OTUD7A: variants seen among roughly 807,000 people sequenced by gnomAD.
OTUD7A encodes OTU deubiquitinase 7A.
Under a neutral mutation model 65.7 loss-of-function variants are expected in OTUD7A, and 12 were observed. The observed-to-expected ratio is 0.18, with a 90% CI of 0.12 to 0.30. The LOEUF (loss-of-function observed/expected upper bound fraction) is 0.30. Ranked by LOEUF, OTUD7A falls within the 10% of genes least tolerant of loss-of-function variation. OTUD7A has a pLI of 1.00. For missense variants in OTUD7A, 1,148 were observed against 1,304.8 expected (o/e 0.88, Z 1.85); for synonymous variants, 641 against 586.3 (o/e 1.09, Z -1.35).
At chr15:31,820,138 A>G (rs1896643623) in intron 1 of OTUD7A, among the ~76,000 whole-genome samples, 1 of 152,238 alleles carries the variant, frequency 6.6e-6, no homozygotes, top group African/African-American at 2.4e-5. Context: ...AACAATGGAA[A>G]GCTAATAATA....
chr15:31,526,606 C>T (rs935832179), intron 7 of OTUD7A, 145 bp from the exon 8 acceptor site: 20 of 587,820 alleles, frequency 3.4e-5, no homozygotes, highest in Admixed American at 6.7e-5. Flanking sequence ...ACTGCACCCT[C>T]TTGGCCACCT....
intron 3 of OTUD7A, among the ~76,000 whole-genome samples, chr15:31,630,566 G>A (rs1259178926): frequency 1.3e-5 from 2 of 152,168 alleles, no homozygotes; most frequent in Non-Finnish European, 2.9e-5. Flanking sequence ...ATATTCTGTT[G>A]ATTTGGGGTG....
chr15:31,809,123 T>C (rs527844552), intron 1 of OTUD7A, among the ~76,000 whole-genome samples: 1 of 152,296 alleles, frequency 6.6e-6, no homozygotes, highest in East Asian at 1.9e-4. Context: ...CCATTCTGAC[T>C]AGAGAGATAC....
chr15:31,760,598 G>T (rs1369267495), intron 1 of OTUD7A, among the ~76,000 whole-genome samples: 1 of 152,174 alleles, frequency 6.6e-6, no homozygotes, highest in Non-Finnish European at 1.5e-5. Context: ...TCATGGGCCA[G>T]AAAATGCAAT....
chr15:31,553,375 G>A (rs1246392483), intron 5 of OTUD7A, among the ~76,000 whole-genome samples: 3 of 152,058 alleles, frequency 2.0e-5, no homozygotes, highest in African/African-American at 7.2e-5. Flanking sequence ...CCACTGCATG[G>A]AGCCAGGTTG....
intron 6 of OTUD7A, among the ~76,000 whole-genome samples, chr15:31,527,846 T>C (rs567952419): frequency 9.8e-5 from 15 of 152,342 alleles, no homozygotes; most frequent in Admixed American, 3.3e-4. Context: ...GCCTGCTTCC[T>C]AGTGAGAGGG....
rs144331874 is a variant in OTUD7A at position 31,869,211 on chromosome 15, G to A, written c.-100+1296C>T. On this transcript the variant is annotated intron_variant, in intron 1 of 12. Coordinates refer to ENST00000307050, the MANE Select transcript of OTUD7A (RefSeq NM_001382637.1). ...ATGTTTATCCAGAACTGAGTGTGCC[G>A]TGCAGATCTACCTCTGTTCTCGTGA... 2.4e-3 allele frequency among the ~76,000 whole-genome samples: 369 copies of A among 152,226 alleles called. 1 individual carries two copies. The highest frequency in any genetic ancestry group is 4.3e-3 in the Admixed American group (65 of 15,288).
chr15:31,597,203 T>C (rs1889931095), intron 3 of OTUD7A, among the ~76,000 whole-genome samples: 1 of 152,190 alleles, frequency 6.6e-6, no homozygotes, highest in Non-Finnish European at 1.5e-5. Context: ...GCTGGGATTA[T>C]AGGTGTGAGC....
chr15:31,819,164 T>C (rs1362828715), intron 1 of OTUD7A, among the ~76,000 whole-genome samples: 1 of 152,232 alleles, frequency 6.6e-6, no homozygotes, highest in African/African-American at 2.4e-5. Flanking sequence ...AAACCACATT[T>C]TAAAAGCAAG....
At chr15:31,534,264 C>G (rs938521782) in intron 5 of OTUD7A, among the ~76,000 whole-genome samples, 3 of 152,174 alleles carry the variant, frequency 2.0e-5, no homozygotes, top group African/African-American at 4.8e-5. Flanking sequence ...ATTTGAAAAT[C>G]AATCAATATA....
chr15:31,764,227 T>C (rs1321236064), intron 1 of OTUD7A, among the ~76,000 whole-genome samples: 6 of 152,192 alleles, frequency 3.9e-5, no homozygotes, highest in Non-Finnish European at 5.9e-5. Context: ...AGTTTTAGTA[T>C]ACAAATGCCT....
At chr15:31,648,165 C>A (rs567359168) in intron 3 of OTUD7A, among the ~76,000 whole-genome samples, 23 of 152,250 alleles carry the variant, frequency 1.5e-4, no homozygotes, top group Admixed American at 1.2e-3. Flanking sequence ...GGAGCAGAGA[C>A]CCCTCTTAGG....
chr15:31,486,711 G>A (rs535964919), intron 12 of OTUD7A, among the ~76,000 whole-genome samples: 1 of 152,376 alleles, frequency 6.6e-6, no homozygotes, highest in South Asian at 2.1e-4. Flanking sequence ...GAGGAAGGGG[G>A]CGCCGAGGAA....
intron 5 of OTUD7A, among the ~76,000 whole-genome samples, chr15:31,554,698 C>G (rs556516331): frequency 2.6e-4 from 39 of 152,310 alleles, no homozygotes; most frequent in African/African-American, 8.9e-4. Context: ...ACCACACCAT[C>G]TCACCCACAT....
intron 3 of OTUD7A, among the ~76,000 whole-genome samples, chr15:31,651,606 C>A (rs1241947665): frequency 1.5e-5 from 2 of 129,316 alleles, no homozygotes; most frequent in Non-Finnish European, 3.4e-5. Flanking sequence ...CACACACACA[C>A]ACACACACAC....
chr15:31,577,678 C>T (rs28854615), intron 3 of OTUD7A, among the ~76,000 whole-genome samples: 19,586 of 151,836 alleles, frequency 0.13, 1,572 homozygotes, highest in East Asian at 0.23. Context: ...CTCAGAAGGG[C>T]GACAGAGCAA....
intron 1 of OTUD7A, chr15:31,767,586 C>T (rs1256572795): frequency 6.2e-6 from 5 of 812,988 alleles, no homozygotes; most frequent in Middle Eastern, 3.3e-4. Flanking sequence ...TTTATGACTT[C>T]TTCTAGGGAT....
chr15:31,800,700 T>C (rs1370938732), intron 1 of OTUD7A, among the ~76,000 whole-genome samples: 1 of 152,154 alleles, frequency 6.6e-6, no homozygotes, highest in African/African-American at 2.4e-5. Flanking sequence ...ACCACCAGAA[T>C]GAGCAGAAGG....
chr15:31,483,850 G>A lies in OTUD7A; in HGVS notation c.2246C>T (p.Thr749Met). 2 of 981,860 alleles carry A rather than the reference G, an allele frequency of 2.0e-6. No homozygotes were observed. The highest frequency in any genetic ancestry group is 4.6e-5 in the South Asian group (1 of 21,966). The allele number at this position is 981,860 out of a possible 1,614,324, so 60.8% of individuals were successfully genotyped here. ...CCGCGCGCCTCCCCCCGGGGAGGCC[G>A]TGCCGCCCGCCGCCGCCCGCGCCGC... ...GRAARAAAGG[T>M]ASPGGGARRA... The change falls in exon 13 of 13, where the codon ACG becomes ATG. Residue 749 changes from threonine (T) to methionine (M), a missense_variant. Around this residue, in one of 6 missense-constraint regions of OTUD7A, gnomAD observed 842 missense variants for 769.5 expected, o/e 1.09. Transcript: ENST00000307050.
Sources: allele counts gnomAD v4.1 joint callset (sites outside exome capture counted in the v4.1 genomes callset), GRCh38; gene constraint gnomAD v4.1.1; regional missense constraint gnomAD v4.1.1; transcripts MANE v1.5; gene names NCBI Gene and HGNC (gene_info 2026-07-23, HGNC 2026-07-21).